Variants in NALF1 observed in about 807,000 individuals in gnomAD.
The protein encoded by NALF1 is NALCN channel auxiliary factor 1.
NALF1 carries 3 observed loss-of-function variants against 48.4 expected under a neutral mutation model. The ratio of observed to expected loss-of-function variants is 0.06; its 90% CI spans 0.03 to 0.16. NALF1 has a LOEUF of 0.16. NALF1 is among the 10% of genes least tolerant of loss of function. NALF1 has a pLI of 1.00. For missense variants in NALF1, 526 were observed against 571.5 expected, an observed-to-expected ratio of 0.92 and a Z score of 0.81; for synonymous variants, 262 against 245.7, an observed-to-expected ratio of 1.07 and a Z score of -0.62.
At chr13:107,420,462 T>TTCTC (rs72220865) in intron 1 of NALF1, among the ~76,000 whole-genome samples, 1 of 152,138 alleles carries the variant, frequency 6.6e-6, no homozygotes, top group Non-Finnish European at 1.5e-5. Flanking sequence ...AAGTCAGATT[T>TTCTC]TCTCTCTCTC....
chr13:107,354,177 A>G (rs541992127), intron 1 of NALF1, among the ~76,000 whole-genome samples: 1 of 152,254 alleles, frequency 6.6e-6, no homozygotes, highest in East Asian at 1.9e-4. Context: ...TTCCCTAGCT[A>G]TGTGTCACTG....
intron 2 of NALF1, among the ~76,000 whole-genome samples, chr13:107,201,462 A>G (rs1004130890): frequency 6.6e-6 from 1 of 152,154 alleles, no homozygotes; most frequent in Non-Finnish European, 1.5e-5. Context: ...CTGTAGTCCC[A>G]GCTACTCGGG....
At position 107,543,714 on chromosome 13, in the gene NALF1, C is replaced by T. The variant is rs746457214; in HGVS notation, c.915+321968G>A. 5.9e-5 allele frequency among the ~76,000 whole-genome samples: 9 copies of T among 151,826 alleles called. No individual in the cohort carries two copies. In the South Asian group the frequency reaches 6.2e-4, roughly 11 times the overall value. On this transcript the variant is annotated intron_variant, in intron 1 of 2. Transcript: ENST00000375915. ...ATATACACGTATATATATACACACA[C>T]ACATACATACATGTATATATACACA...
intron 1 of NALF1, among the ~76,000 whole-genome samples, chr13:107,633,603 C>A (rs886975291): frequency 4.6e-5 from 7 of 151,634 alleles, no homozygotes; most frequent in Non-Finnish European, 1.0e-4. Flanking sequence ...ACATTAAACC[C>A]GTATAAACTT....
intron 1 of NALF1, among the ~76,000 whole-genome samples, chr13:107,421,746 C>T (rs1884192589): frequency 6.6e-6 from 1 of 152,150 alleles, no homozygotes. Context: ...GGCTGGGAAA[C>T]TGTCAGTAAG....
rs566273965 is a variant in NALF1, at chr13:107,531,442, G to A, written c.916-320687C>T. Among the ~76,000 whole-genome samples the A allele has an allele frequency of 2.5e-4, 38 of 152,154 alleles. 1 individual carries two copies. Among genetic ancestry groups the A allele is most frequent in the African/African-American group, 8.9e-4 (37 of 41,542 alleles). The stretch of plus-strand genomic sequence containing the variant: ...GTAAGCTCCTGAGGACTCCCCAGAA[G>A]CCGAGCAGATGCCAGAACCATGGGT... On this transcript the variant is annotated intron_variant, in intron 1 of 2. Coordinates refer to ENST00000375915, the MANE Select transcript of NALF1 (RefSeq NM_001080396.3).
intron 1 of NALF1, among the ~76,000 whole-genome samples, chr13:107,546,571 C>A (rs1348996926): frequency 6.6e-6 from 1 of 152,086 alleles, no homozygotes; most frequent in Non-Finnish European, 1.5e-5. Context: ...AAAACCTGAA[C>A]CATTGCTAAT....
intron 1 of NALF1, among the ~76,000 whole-genome samples, chr13:107,702,862 C>A (rs1881857200): frequency 1.3e-5 from 2 of 152,144 alleles, no homozygotes; most frequent in African/African-American, 4.8e-5. Context: ...CATGTCCCTG[C>A]AAAGGACATG....
At chr13:107,649,326 C>T (rs1372576089) in intron 1 of NALF1, among the ~76,000 whole-genome samples, 1 of 152,180 alleles carries the variant, frequency 6.6e-6, no homozygotes, top group Non-Finnish European at 1.5e-5. Context: ...TAGATTAAAA[C>T]ATCAAGAAGC....
intron 1 of NALF1, among the ~76,000 whole-genome samples, chr13:107,263,102 A>G (rs1880966361): frequency 6.6e-6 from 1 of 152,040 alleles, no homozygotes; most frequent in Non-Finnish European, 1.5e-5. Context: ...GAGACTTTGG[A>G]AAAGTACTGC....
chr13:107,650,116 G>A (rs1025739601), intron 1 of NALF1, among the ~76,000 whole-genome samples: 6 of 152,066 alleles, frequency 3.9e-5, no homozygotes, highest in African/African-American at 9.7e-5. Context: ...GTCAAAGATC[G>A]GAGTTTTTGT....
At position 107,867,316 on chromosome 13, in the gene NALF1, CG is replaced by C; in HGVS notation, c.-721del. Among the ~76,000 whole-genome samples, 1 of 131,720 alleles carries C rather than the reference CG, an allele frequency of 7.6e-6. No individual in the cohort carries two copies. The highest frequency in any genetic ancestry group is 1.7e-5 in the Non-Finnish European group (1 of 60,374). The allele number at this position is 131,720 out of a possible 152,430, so 86.4% of individuals were successfully genotyped here. A position where few individuals can be genotyped will look rare whatever the true frequency, so the allele number is the denominator to read the frequency against. On this transcript the variant is annotated 5_prime_UTR_variant, in exon 1 of 3. An upstream open reading frame in the 5' UTR loses its in-frame stop. Coordinates refer to ENST00000375915, the MANE Select transcript of NALF1 (RefSeq NM_001080396.3). This position sits in a 1 kb window ranked among gnomAD's most constrained non-coding sequence, Gnocchi z 4.4. ...GCGCTCTAAGTGCTGCCGCCGCCGC[CG>C]CCGCCGCCGCCGCTGCCGCAGGGCC...
intron 1 of NALF1, among the ~76,000 whole-genome samples, chr13:107,690,324 G>C (rs895408677): frequency 2.0e-5 from 3 of 152,148 alleles, no homozygotes; most frequent in Admixed American, 6.5e-5. Context: ...GTGTTTTGTT[G>C]GCAGAGAAAG....
chr13:107,683,420 T>C (rs1247257565), intron 1 of NALF1, among the ~76,000 whole-genome samples: 2 of 152,248 alleles, frequency 1.3e-5, no homozygotes, highest in Admixed American at 6.5e-5. Flanking sequence ...TCTGCCTATA[T>C]GTAGTCAAGA....
intron 1 of NALF1, among the ~76,000 whole-genome samples, chr13:107,676,618 T>TCATTA (rs1566439836): frequency 1.5e-4 from 23 of 151,810 alleles, no homozygotes; most frequent in Admixed American, 5.9e-4. Flanking sequence ...TTAATTTAAT[T>TCATTA]AATTAAATTA....
intron 1 of NALF1, among the ~76,000 whole-genome samples, chr13:107,552,188 T>C (rs1877312751): frequency 6.6e-6 from 1 of 152,178 alleles, no homozygotes; most frequent in East Asian, 1.9e-4. Flanking sequence ...TACTACATTC[T>C]ATGCAGAATG....
At chr13:107,563,649 C>T (rs1378877683) in intron 1 of NALF1, among the ~76,000 whole-genome samples, 2 of 152,096 alleles carry the variant, frequency 1.3e-5, no homozygotes, top group African/African-American at 4.8e-5. Context: ...TACTTCTGTC[C>T]CTCTTTACTG....
At chr13:107,258,926 G>A (rs927244055) in intron 1 of NALF1, among the ~76,000 whole-genome samples, 1 of 152,148 alleles carries the variant, frequency 6.6e-6, no homozygotes, top group African/African-American at 2.4e-5. Context: ...GAAACAGGAT[G>A]TGTGGCTCCC....
At position 107,301,415 on chromosome 13, in the gene NALF1, A is replaced by G. The variant is rs575630440; in HGVS notation, c.916-90660T>C. 3.2e-4 allele frequency among the ~76,000 whole-genome samples: 48 copies of G among 152,352 alleles called. 1 individual carries two copies. In the South Asian group the frequency reaches 9.9e-3, roughly 32 times the overall value. On this transcript the variant is annotated intron_variant, in intron 1 of 2. Transcript: ENST00000375915. ...CAGCTGTTGAAATTATTGAAATATA[A>G]TCAGTAACATAAAGTAGTAGCCTCC...
Sources: allele counts gnomAD v4.1 joint callset (sites outside exome capture counted in the v4.1 genomes callset), GRCh38; gene constraint gnomAD v4.1.1; non-coding constraint Gnocchi (gnomAD v3.1); transcripts MANE v1.5; gene names NCBI Gene and HGNC (gene_info 2026-07-23, HGNC 2026-07-21).